The following GABRA4 variants were observed in gnomAD, a reference collection of about 807,000 sequenced individuals.
GABRA4 encodes the protein gamma-aminobutyric acid receptor subunit alpha-4.
In GABRA4, 12 loss-of-function variants were observed where a neutral mutation model predicts 49.7. The ratio of observed to expected loss-of-function variants is 0.24; its 90% CI spans 0.15 to 0.39. GABRA4 has a LOEUF of 0.39. GABRA4 is among the 10% of genes least tolerant of loss of function. GABRA4 has a pLI of 1.00. For missense variants in GABRA4, 506 were observed against 686.0 expected (o/e 0.74, Z 2.93); for synonymous variants, 288 against 240.2 (o/e 1.20, Z -1.84).
At position 46,954,321 on chromosome 4, in the gene GABRA4, C is replaced by T. The variant is rs150601799; in HGVS notation, c.1134+10649G>A. On this transcript the variant is annotated intron_variant, in intron 8 of 8. Coordinates refer to ENST00000264318, the MANE Select transcript of GABRA4 (RefSeq NM_000809.4). ...CCTGTAATCCCAGCACTTTGGGAGG[C>T]GGAGGCTGGTGGATCACCTGAGGTC... 2.0e-3 allele frequency among the ~76,000 whole-genome samples: 309 copies of T among 152,106 alleles called. 2 individuals are homozygous for T. Among genetic ancestry groups the T allele is most frequent in the Middle Eastern group, 6.8e-3 (2 of 294 alleles).
At chr4:46,952,431 C>T (rs1722203438) in intron 8 of GABRA4, among the ~76,000 whole-genome samples, 1 of 152,020 alleles carries the variant, frequency 6.6e-6, no homozygotes, top group Non-Finnish European at 1.5e-5. Flanking sequence ...AAAACTGTTG[C>T]AAAATTGATC....
At chr4:46,977,345 GAAGA>G (rs150518504) in intron 4 of GABRA4, 61 bp downstream of exon 4, 26,050 of 908,094 alleles carry the variant, frequency 0.029, 1,315 homozygotes, top group South Asian at 0.05. Context: ...AGGAAGGAAG[GAAGA>G]AAGGAAAGGA....
intron 8 of GABRA4, among the ~76,000 whole-genome samples, chr4:46,956,063 C>T (rs952132685): frequency 6.6e-6 from 1 of 152,008 alleles, no homozygotes; most frequent in African/African-American, 2.4e-5. Context: ...GGAGATGAAA[C>T]ATAGTTAGTT....
chr4:46,964,187 C>T (rs1046108270), intron 8 of GABRA4, among the ~76,000 whole-genome samples: 2 of 151,770 alleles, frequency 1.3e-5, no homozygotes, highest in African/African-American at 2.4e-5. Flanking sequence ...CATGTTCTCA[C>T]TTATTTGTGG....
chr4:46,961,272 A>T (rs1376701968), intron 8 of GABRA4, among the ~76,000 whole-genome samples: 1 of 151,846 alleles, frequency 6.6e-6, no homozygotes, highest in Admixed American at 6.6e-5. Flanking sequence ...TGACCAGTTA[A>T]TCCCTGCCAG....
intron 8 of GABRA4, among the ~76,000 whole-genome samples, chr4:46,948,871 C>T (rs918330009): frequency 7.9e-5 from 12 of 152,130 alleles, no homozygotes; most frequent in African/African-American, 2.9e-4. Flanking sequence ...CACCTCTCAC[C>T]TTCATATTTG....
intron 8 of GABRA4, among the ~76,000 whole-genome samples, chr4:46,944,017 A>G (rs1404637703): frequency 6.6e-6 from 1 of 152,008 alleles, no homozygotes; most frequent in Non-Finnish European, 1.5e-5. Context: ...AGGGTACAAT[A>G]TTTCAGTTAT....
At chr4:46,952,368 A>G (rs1018208610) in intron 8 of GABRA4, among the ~76,000 whole-genome samples, 1 of 152,130 alleles carries the variant, frequency 6.6e-6, no homozygotes, top group African/African-American at 2.4e-5. Flanking sequence ...ACTAGAAAAT[A>G]TTAAGAAAAG....
At position 46,976,097 on chromosome 4, in the gene GABRA4, C is replaced by T. The variant is rs987777583; in HGVS notation, c.577+964G>A. 1.2e-4 allele frequency among the ~76,000 whole-genome samples: 18 copies of T among 151,900 alleles called. No homozygotes were observed. In the East Asian group the frequency reaches 3.5e-3, roughly 30 times the overall value. On this transcript the variant is annotated intron_variant, in intron 5 of 8. Transcript: ENST00000264318. Reference sequence around the variant, plus strand: ...TTCTGATTGAATTGAAAATGTGAGGCAGACCTTAGAAAAGGCAATCACATT... The same window carrying T: ...TTCTGATTGAATTGAAAATGTGAGGTAGACCTTAGAAAAGGCAATCACATT...
At chr4:46,929,957 C>T (rs967294940) in intron 8 of GABRA4, among the ~76,000 whole-genome samples, 1 of 152,014 alleles carries the variant, frequency 6.6e-6, no homozygotes, top group African/African-American at 2.4e-5. Flanking sequence ...AGATTATATA[C>T]AATTAATTGA....
chr4:46,992,872 C>T lies in GABRA4; in HGVS notation c.161G>A (p.Ser54Asn). The part of the protein sequence containing the change: ...CTENFTRILD[S>N]LLDGYDNRLR... Reference sequence around the variant, plus strand: ...CCTGTTGTCATAACCATCGAGCAAACTGTCCAGGATGCGGGTGAAATTTTC... The same window carrying T: ...CCTGTTGTCATAACCATCGAGCAAATTGTCCAGGATGCGGGTGAAATTTTC... The change falls in exon 2 of 9, where the codon AGT becomes AAT. Residue 54 changes from serine (S) to asparagine (N), a missense_variant. Physicochemically the swap from Ser to Asn is conservative, Grantham distance 46 (BLOSUM62 1). This residue lies in a region of GABRA4 where 195 missense variants were observed against 326.0 expected (regional missense o/e 0.60). Transcript: ENST00000264318. The T allele has an allele frequency of 3.7e-6, 6 of 1,613,722 alleles. No homozygotes were observed. The highest frequency in any genetic ancestry group is 3.3e-4 in the Middle Eastern group (2 of 6,062).
At chr4:46,980,201 T>G (rs17641660) in intron 2 of GABRA4, among the ~76,000 whole-genome samples, 14,417 of 152,104 alleles carry the variant, frequency 0.095, 1,141 homozygotes, top group Admixed American at 0.24. Flanking sequence ...TACAGCATTC[T>G]AATACAACAA....
Position 46,969,288 on chromosome 4 carries a change from G to T in GABRA4, c.874+1795C>A, listed in dbSNP as rs1016364327. Among the ~76,000 whole-genome samples the T allele has an allele frequency of 5.3e-5, 8 of 151,536 alleles. 2 individuals are homozygous for T. Among genetic ancestry groups the T allele is most frequent in the Admixed American group, 1.3e-4 (2 of 15,150 alleles). ...AAAATGTATACATGAGTTTTTTTATGCGTAAAATATAATAGAAACTTCTGG... is the reference window on the plus strand; with the variant it reads ...AAAATGTATACATGAGTTTTTTTATTCGTAAAATATAATAGAAACTTCTGG... On this transcript the variant is annotated intron_variant, in intron 7 of 8. Transcript: ENST00000264318.
At position 46,971,060 on chromosome 4, in the gene GABRA4, C is replaced by T. The variant is rs369446555; in HGVS notation, c.874+23G>A. 60 of 1,594,296 alleles carry T rather than the reference C, an allele frequency of 3.8e-5. No individual in the cohort carries two copies. In the African/African-American group the frequency reaches 3.8e-4, roughly 10 times the overall value. ...ATAAAATGTAATGTGAACAAAAACG[C>T]CCAAGAAATGAATTGCAATTACCAA... On this transcript the variant is annotated intron_variant, in intron 7 of 8. Coordinates refer to ENST00000264318, the MANE Select transcript of GABRA4 (RefSeq NM_000809.4).
chr4:46,974,113 A>G (rs1723052296), intron 6 of GABRA4, 119 bp downstream of exon 6: 1 of 970,894 alleles, frequency 1.0e-6, no homozygotes, highest in Admixed American at 2.4e-5. Context: ...CATCAACTCT[A>G]TTTCTGGAAA....
chr4:46,947,620 T>C (rs1422005686), intron 8 of GABRA4, among the ~76,000 whole-genome samples: 1 of 151,776 alleles, frequency 6.6e-6, no homozygotes, highest in Non-Finnish European at 1.5e-5. Context: ...AAGAGAAACA[T>C]ATTTATTGAG....
intron 8 of GABRA4, among the ~76,000 whole-genome samples, chr4:46,955,433 A>G (rs574262776): frequency 2.0e-5 from 3 of 152,136 alleles, no homozygotes; most frequent in African/African-American, 4.8e-5. Flanking sequence ...ATAAACTGCT[A>G]AAATTGATTT....
In GABRA4 at chr4:46,928,122, C is replaced by G; in HGVS notation, c.*103G>C. ...TATATCTTTAAATGGAAAAATTACA[C>G]AGAGTTTTTATTTTAGTAAAGAATA... On this transcript the variant is annotated 3_prime_UTR_variant, in exon 9 of 9. Coordinates refer to ENST00000264318, the MANE Select transcript of GABRA4 (RefSeq NM_000809.4). The G allele has an allele frequency of 3.0e-6, 3 of 1,008,134 alleles. No homozygotes were observed. Among genetic ancestry groups the G allele is most frequent in the Non-Finnish European group, 4.2e-6 (3 of 721,384 alleles). The allele number at this position is 1,008,134 out of a possible 1,614,324, so 62.4% of individuals were successfully genotyped here. A position where few individuals can be genotyped will look rare whatever the true frequency, so the allele number is the denominator to read the frequency against.
intron 7 of GABRA4, among the ~76,000 whole-genome samples, chr4:46,966,224 TA>T (rs1560475899): frequency 6.6e-6 from 1 of 151,802 alleles, no homozygotes; most frequent in Non-Finnish European, 1.5e-5. Flanking sequence ...TACATCCATT[TA>T]AACTGATTCT....
Sources: allele counts gnomAD v4.1 joint callset (sites outside exome capture counted in the v4.1 genomes callset), GRCh38; gene constraint gnomAD v4.1.1; regional missense constraint gnomAD v4.1.1; transcripts MANE v1.5; gene names NCBI Gene and HGNC (gene_info 2026-07-23, HGNC 2026-07-21).